SCN2B: variants seen among roughly 807,000 people sequenced by gnomAD.
SCN2B encodes sodium channel regulatory subunit beta-2.
Under a neutral mutation model 18.2 loss-of-function variants are expected in SCN2B, and 14 were observed. The ratio of observed to expected loss-of-function variants is 0.77; its 90% CI spans 0.51 to 1.21. The LOEUF is 1.21. Ranked by LOEUF, SCN2B falls within the 50% of genes most tolerant of loss-of-function variation. The pLI is 0.00. For missense variants in SCN2B, 262 were observed against 286.9 expected (o/e 0.91, Z 0.63); for synonymous variants, 115 against 115.3 (o/e 1.00, Z 0.02).
intron 1 of SCN2B, among the ~76,000 whole-genome samples, chr11:118,174,478 G>A (rs979418753): frequency 9.2e-5 from 14 of 151,872 alleles, no homozygotes; most frequent in African/African-American, 2.7e-4. Context: ...CCCCTCCCTC[G>A]TCACTTGTGG....
intron 1 of SCN2B, among the ~76,000 whole-genome samples, chr11:118,171,994 C>A (rs928271361): frequency 6.6e-6 from 1 of 152,180 alleles, no homozygotes; most frequent in African/African-American, 2.4e-5. Context: ...AGCCCCTAAT[C>A]CAATATCTCC....
chr11:118,172,655 G>C (rs1250734302), intron 1 of SCN2B, among the ~76,000 whole-genome samples: 1 of 152,252 alleles, frequency 6.6e-6, no homozygotes, highest in Non-Finnish European at 1.5e-5. Context: ...GATCATCAAC[G>C]GGATGAGGCT....
At chr11:118,175,765 G>C (rs1426296863) in intron 1 of SCN2B, among the ~76,000 whole-genome samples, 3 of 152,102 alleles carry the variant, frequency 2.0e-5, no homozygotes, top group African/African-American at 7.2e-5. Context: ...CCAAGCCAAA[G>C]GTGCCTTCTC....
In SCN2B at chr11:118,168,125, G is replaced by A. The variant is rs780138122; in HGVS notation, c.408C>T (p.His136=). The change falls in exon 3 of 4, where the codon CAC becomes CAT. Residue 136 remains histidine (H), a synonymous_variant. Transcript: ENST00000278947. This position sits in a 1 kb window ranked among gnomAD's most constrained non-coding sequence, Gnocchi z 4.7. ...NCYIMNPPDR[H]RGHGKIHLQV... ...GCAGATGGATCTTGCCATGGCCACGGTGGCGGTCAGGGGGGTTCATGATGT... is the reference window on the plus strand; with the variant it reads ...GCAGATGGATCTTGCCATGGCCACGATGGCGGTCAGGGGGGTTCATGATGT... The A allele has an allele frequency of 1.7e-5, 27 of 1,614,054 alleles. No individual in the cohort carries two copies. The highest frequency in any genetic ancestry group is 1.6e-4 in the Middle Eastern group (1 of 6,084).
chr11:118,175,605 T>C (rs898182664), intron 1 of SCN2B, among the ~76,000 whole-genome samples: 1 of 152,118 alleles, frequency 6.6e-6, no homozygotes, highest in South Asian at 2.1e-4. Flanking sequence ...AGTCTCTGAG[T>C]GGTCAAATAC....
chr11:118,163,183 CTA>C lies in SCN2B; in HGVS notation c.*3702_*3703del, dbSNP rs1206717180. ...ATATATCTATACCTAGAGAGAGAGACTATGTACAGTGCATCAGCAAGCTTCAA... is the reference window on the plus strand; with the variant it reads ...ATATATCTATACCTAGAGAGAGAGACTGTACAGTGCATCAGCAAGCTTCAA... On this transcript the variant is annotated 3_prime_UTR_variant, in exon 4 of 4. Transcript: ENST00000278947. 1.3e-5 allele frequency: 2 copies of C among 152,478 alleles called. No homozygotes were observed. Among genetic ancestry groups the C allele is most frequent in the Non-Finnish European group, 2.9e-5 (2 of 68,044 alleles). The allele number at this position is 152,478 out of a possible 1,614,324, so 9.4% of individuals were successfully genotyped here. A position where few individuals can be genotyped will look rare whatever the true frequency, so the allele number is the denominator to read the frequency against.
chr11:118,170,895 G>GC (rs1047193144), intron 1 of SCN2B, among the ~76,000 whole-genome samples: 4 of 152,146 alleles, frequency 2.6e-5, no homozygotes, highest in Admixed American at 1.3e-4. Context: ...CTTGGAGACT[G>GC]CCCCACTCCA....
chr11:118,167,167 G>A, intron 3 of SCN2B, 81 bp from the exon 4 acceptor site: 1 of 1,416,870 alleles, frequency 7.1e-7, no homozygotes, highest in Non-Finnish European at 9.7e-7. Flanking sequence ...GGCATGCGTG[G>A]AACCATCCTG....
rs957658201 is a variant in SCN2B, at chr11:118,163,657, G to C, written c.*3230C>G. 2.6e-5 allele frequency: 4 copies of C among 152,666 alleles called. No homozygotes were observed. The highest frequency in any genetic ancestry group is 4.8e-5 in the African/African-American group (2 of 41,422). The allele number at this position is 152,666 out of a possible 1,614,324, so 9.5% of individuals were successfully genotyped here. A position where few individuals can be genotyped will look rare whatever the true frequency, so the allele number is the denominator to read the frequency against. ...CTTAATTAGGAGGAAGAGACAGATGGGGGGTGGGGGCAGAGGGAGGTTCTG... is the reference window on the plus strand; with the variant it reads ...CTTAATTAGGAGGAAGAGACAGATGCGGGGTGGGGGCAGAGGGAGGTTCTG... On this transcript the variant is annotated 3_prime_UTR_variant, in exon 4 of 4. Coordinates refer to ENST00000278947, the MANE Select transcript of SCN2B (RefSeq NM_004588.5).
Position 118,168,962 on chromosome 11 carries a change from C to T in SCN2B, c.71-211G>A, listed in dbSNP as rs1948408390. Among the ~76,000 whole-genome samples, 1 of 152,126 alleles carries T rather than the reference C, an allele frequency of 6.6e-6. No individual in the cohort carries two copies. Among genetic ancestry groups the T allele is most frequent in the South Asian group, 2.1e-4 (1 of 4,832 alleles). On this transcript the variant is annotated intron_variant, in intron 1 of 3. Coordinates refer to ENST00000278947, the MANE Select transcript of SCN2B (RefSeq NM_004588.5). The surrounding 1 kb of genome is among the most constrained non-coding windows in gnomAD (Gnocchi z 4.7). ...CCAAGCTGGAGTGCAGTGGCGCAATCATGACTCACTGCAGCCTAGACCTGC... is the reference window on the plus strand; with the variant it reads ...CCAAGCTGGAGTGCAGTGGCGCAATTATGACTCACTGCAGCCTAGACCTGC...
chr11:118,176,587 T>C lies in SCN2B; in HGVS notation c.-156A>G, dbSNP rs943651965. ...TAAGGAAGCTTTATTTCCATCTCTC[T>C]AATATGGCCGGCTTGTATGTTGCTG... is the stretch of plus-strand genomic sequence containing the variant. On this transcript the variant is annotated 5_prime_UTR_variant, in exon 1 of 4. Coordinates refer to ENST00000278947, the MANE Select transcript of SCN2B (RefSeq NM_004588.5). 2.0e-6 allele frequency: 1 copy of C among 490,622 alleles called. No homozygotes were observed. Among genetic ancestry groups the C allele is most frequent in the Non-Finnish European group, 3.8e-6 (1 of 259,888 alleles). 30.4% of individuals were successfully genotyped at this position (490,622 alleles called of 1,614,324 possible).
rs1353376037 is a variant in SCN2B at position 118,168,870 on chromosome 11, G to T, written c.71-119C>A. 2.8e-6 allele frequency: 3 copies of T among 1,065,766 alleles called. No homozygotes were observed. Among genetic ancestry groups the T allele is most frequent in the Non-Finnish European group, 4.4e-6 (3 of 689,490 alleles). 66.0% of individuals were successfully genotyped at this position (1,065,766 alleles called of 1,614,324 possible). ...GAGCAGAGCCACAGGGAGGGGACTG[G>T]GTCCCTGACAGCTCCAGTTAATCAG... On this transcript the variant is annotated intron_variant, in intron 1 of 3. Transcript: ENST00000278947. The surrounding 1 kb of genome is among the most constrained non-coding windows in gnomAD (Gnocchi z 4.7).
rs1329515448 is a variant in SCN2B at position 118,176,550 on chromosome 11, C to T, written c.-119G>A. The stretch of plus-strand genomic sequence containing the variant: ...AAAATGCACGGATGTACTTCAAAGA[C>T]ATATACAACATTAAGGAAGCTTTAT... On this transcript the variant is annotated 5_prime_UTR_variant, in exon 1 of 4. The change abolishes an upstream ATG in the 5' untranslated region. Transcript: ENST00000278947. 5.5e-6 allele frequency: 4 copies of T among 731,630 alleles called. No individual in the cohort carries two copies. Among genetic ancestry groups the T allele is most frequent in the Non-Finnish European group, 9.9e-6 (4 of 403,770 alleles). 45.3% of individuals were successfully genotyped at this position (731,630 alleles called of 1,614,324 possible).
intron 1 of SCN2B, among the ~76,000 whole-genome samples, chr11:118,170,616 G>C (rs749405473): frequency 6.6e-6 from 1 of 152,140 alleles, no homozygotes; most frequent in Non-Finnish European, 1.5e-5. Flanking sequence ...AGATGAGCCC[G>C]ATAGAGGCTG....
rs1555101438 is a variant in SCN2B at position 118,174,091 on chromosome 11, C to CTTTTGTTTTTT, written c.70+2270_70+2271insAAAAAACAAAA. On this transcript the variant is annotated intron_variant, in intron 1 of 3. Transcript: ENST00000278947. ...ACCATGCCTGGCTTATTTTTCTTTT[C>CTTTTGTTTTTT]TTTTTTTTTTTTTTTTTTTTTTTTT... Among the ~76,000 whole-genome samples the CTTTTGTTTTTT allele has an allele frequency of 5.8e-3, 386 of 66,654 alleles. 47 individuals carry two copies. Among genetic ancestry groups the CTTTTGTTTTTT allele is most frequent in the African/African-American group, 0.018 (284 of 15,536 alleles). 43.7% of individuals were successfully genotyped at this position (66,654 alleles called of 152,430 possible).
At chr11:118,170,341 T>C (rs868429386) in intron 1 of SCN2B, among the ~76,000 whole-genome samples, 14 of 152,038 alleles carry the variant, frequency 9.2e-5, no homozygotes, top group Middle Eastern at 3.4e-3. Flanking sequence ...AGTGAGCCCG[T>C]TGAAGTTTTG....
chr11:118,171,481 C>T (rs1948430523), intron 1 of SCN2B, among the ~76,000 whole-genome samples: 1 of 152,242 alleles, frequency 6.6e-6, no homozygotes, highest in African/African-American at 2.4e-5. Context: ...AATGTCCTAT[C>T]CCTCTAGCTC....
chr11:118,170,844 G>T (rs775836587), intron 1 of SCN2B, among the ~76,000 whole-genome samples: 3 of 152,222 alleles, frequency 2.0e-5, no homozygotes, highest in Non-Finnish European at 2.9e-5. Context: ...TTGCAAACAG[G>T]AAGGGCTTCT....
At chr11:118,174,178 G>C (rs550844390) in intron 1 of SCN2B, among the ~76,000 whole-genome samples, 2 of 125,762 alleles carry the variant, frequency 1.6e-5, no homozygotes, top group East Asian at 5.1e-4. Flanking sequence ...GGCCTCAAGC[G>C]ATCCTCCCAC....
Sources: gnomAD v4.1 joint callset for allele counts (sites outside exome capture counted in the v4.1 genomes callset) on GRCh38, gnomAD v4.1.1 for gene constraint, Gnocchi (gnomAD v3.1) non-coding constraint, MANE v1.5 for transcripts, NCBI Gene and HGNC (gene_info 2026-07-23, HGNC 2026-07-21) for gene names.